PPP2R2C: variants seen among roughly 807,000 people sequenced by gnomAD.
The protein encoded by PPP2R2C is protein phosphatase 2, regulatory subunit B, gamma.
Under a neutral mutation model 45.3 loss-of-function variants are expected in PPP2R2C, and 10 were observed. That is an observed-to-expected ratio of 0.22 (90% confidence interval 0.14 to 0.37). PPP2R2C has a LOEUF of 0.37. Ranked by LOEUF, PPP2R2C falls within the 10% of genes least tolerant of loss-of-function variation. The pLI is 1.00. For missense variants in PPP2R2C, 308 were observed against 619.7 expected (o/e 0.50, Z 5.34); for synonymous variants, 257 against 245.4 (o/e 1.05, Z -0.44).
chr4:6,372,882 A>C lies in PPP2R2C; in HGVS notation c.448-182T>G, dbSNP rs184309498. On this transcript the variant is annotated intron_variant, in intron 4 of 8. Coordinates refer to ENST00000382599, the MANE Select transcript of PPP2R2C (RefSeq NM_020416.4). ...AATGCCCGCCGCCCACCAGCCCTGC[A>C]AGAGAGGCATGGATGCTTACCTGCT... Among the ~76,000 whole-genome samples, 445 of 152,320 alleles carry C rather than the reference A, an allele frequency of 2.9e-3. 1 individual carries two copies. Among genetic ancestry groups the C allele is most frequent in the African/African-American group, 0.01 (431 of 41,584 alleles).
At chr4:6,407,551 C>T (rs899588310) in intron 1 of PPP2R2C, among the ~76,000 whole-genome samples, 12 of 152,136 alleles carry the variant, frequency 7.9e-5, no homozygotes, top group African/African-American at 2.9e-4. Flanking sequence ...CCCGCCACCA[C>T]ACCCGGCTAA....
chr4:6,540,321 T>C (rs1724768034), intron 1 of PPP2R2C, among the ~76,000 whole-genome samples: 1 of 152,252 alleles, frequency 6.6e-6, no homozygotes, highest in African/African-American at 2.4e-5. Flanking sequence ...CACTATGTGG[T>C]CTTTTGTGTC....
At chr4:6,342,838 T>C (rs1281923169) in intron 6 of PPP2R2C, among the ~76,000 whole-genome samples, 2 of 152,176 alleles carry the variant, frequency 1.3e-5, no homozygotes, top group Non-Finnish European at 2.9e-5. Flanking sequence ...TCTGCCCTGA[T>C]AGAGGAGGGG....
intron 2 of PPP2R2C, among the ~76,000 whole-genome samples, chr4:6,507,238 G>A (rs966047054): frequency 1.3e-5 from 2 of 152,334 alleles, no homozygotes; most frequent in African/African-American, 4.8e-5. Context: ...GCTCAAGGAT[G>A]AGGCCTGAGC....
chr4:6,323,123 G>A lies in PPP2R2C; in HGVS notation c.*179C>T. On this transcript the variant is annotated 3_prime_UTR_variant, in exon 9 of 9. Transcript: ENST00000382599. ...GACAATTACTGCCAAACACAATTCT[G>A]GCCTAGGAAAGCTGGGGCAGGGAGG... 2 of 608,928 alleles carry A rather than the reference G, an allele frequency of 3.3e-6. No homozygotes were observed. Among genetic ancestry groups the A allele is most frequent in the Non-Finnish European group, 5.3e-6 (2 of 379,082 alleles). 37.7% of individuals were successfully genotyped at this position (608,928 alleles called of 1,614,324 possible).
chr4:6,415,254 C>A (rs1379038437), intron 1 of PPP2R2C, among the ~76,000 whole-genome samples: 1 of 152,206 alleles, frequency 6.6e-6, no homozygotes, highest in African/African-American at 2.4e-5. Context: ...GGGCTCAGAG[C>A]CCCTCTGAAA....
At chr4:6,537,823 T>G (rs886551575) in intron 1 of PPP2R2C, among the ~76,000 whole-genome samples, 2 of 152,196 alleles carry the variant, frequency 1.3e-5, no homozygotes, top group African/African-American at 4.8e-5. Flanking sequence ...GTGCTGGGAT[T>G]ACAGGTGTGA....
chr4:6,369,253 T>C, intron 5 of PPP2R2C, among the ~76,000 whole-genome samples: 1 of 152,224 alleles, frequency 6.6e-6, no homozygotes, highest in South Asian at 2.1e-4. Flanking sequence ...AGCAGGCACA[T>C]GGGGCTGGTG....
intron 2 of PPP2R2C, among the ~76,000 whole-genome samples, chr4:6,507,122 C>A (rs1723263357): frequency 6.6e-6 from 1 of 152,168 alleles, no homozygotes; most frequent in Non-Finnish European, 1.5e-5. Flanking sequence ...AGGAAGAGGG[C>A]TGAAGAGAAA....
chr4:6,419,033 G>A (rs1337903321), intron 1 of PPP2R2C, among the ~76,000 whole-genome samples: 2 of 152,224 alleles, frequency 1.3e-5, no homozygotes, highest in Non-Finnish European at 2.9e-5. Context: ...CGCATGCGGT[G>A]AGGGTTCCCC....
At chr4:6,333,517 G>T in intron 7 of PPP2R2C, 45 bp downstream of exon 7, 2 of 1,597,440 alleles carry the variant, frequency 1.3e-6, no homozygotes, top group Middle Eastern at 1.7e-4. Context: ...TCTCAGCATA[G>T]GGAAAAAAGA....
chr4:6,430,607 C>T (rs1239725673), intron 1 of PPP2R2C, among the ~76,000 whole-genome samples: 1 of 152,138 alleles, frequency 6.6e-6, no homozygotes, highest in African/African-American at 2.4e-5. Flanking sequence ...ACTTTGTAAT[C>T]CTATCCACTC....
chr4:6,379,495 C>T (rs762865466), intron 2 of PPP2R2C, among the ~76,000 whole-genome samples: 2 of 152,246 alleles, frequency 1.3e-5, no homozygotes, highest in Non-Finnish European at 2.9e-5. Flanking sequence ...ATTCACTTCA[C>T]TTCCCATGAG....
intron 1 of PPP2R2C, among the ~76,000 whole-genome samples, chr4:6,539,811 C>T (rs1301960086): frequency 6.6e-6 from 1 of 152,160 alleles, no homozygotes; most frequent in African/African-American, 2.4e-5. Context: ...ACAGGAGTCT[C>T]CCCATACGAC....
rs1325345357 is a variant in PPP2R2C, at chr4:6,332,965, C to T, written c.960+597G>A. On this transcript the variant is annotated intron_variant, in intron 7 of 8. Coordinates refer to ENST00000382599, the MANE Select transcript of PPP2R2C (RefSeq NM_020416.4). This position sits in a 1 kb window ranked among gnomAD's most constrained non-coding sequence, Gnocchi z 4.9. ...CCATCCCACATTTCTTTCAAGTCCA[C>T]ATTTTATTTTAACATCACATGAGTT... is the stretch of plus-strand genomic sequence containing the variant. Among the ~76,000 whole-genome samples the T allele has an allele frequency of 6.6e-6, 1 of 152,208 alleles. No homozygotes were observed. Among genetic ancestry groups the T allele is most frequent in the Non-Finnish European group, 1.5e-5 (1 of 68,050 alleles).
rs532205614 is a variant in PPP2R2C at position 6,321,850 on chromosome 4, A to C, written c.*1452T>G. 1 of 152,306 alleles carries C rather than the reference A, an allele frequency of 6.6e-6. No homozygotes were observed. Among genetic ancestry groups the C allele is most frequent in the African/African-American group, 2.4e-5 (1 of 41,562 alleles). 9.4% of individuals were successfully genotyped at this position (152,306 alleles called of 1,614,324 possible). A position where few individuals can be genotyped will look rare whatever the true frequency, so the allele number is the denominator to read the frequency against. Reference sequence around the variant, plus strand: ...CACCTTCTCTGTGGCCCTCATTGTCAGAGGGGCAGAGTTCCCGAGGGATGT... The same window carrying C: ...CACCTTCTCTGTGGCCCTCATTGTCCGAGGGGCAGAGTTCCCGAGGGATGT... On this transcript the variant is annotated 3_prime_UTR_variant, in exon 9 of 9. Coordinates refer to ENST00000382599, the MANE Select transcript of PPP2R2C (RefSeq NM_020416.4).
intron 6 of PPP2R2C, among the ~76,000 whole-genome samples, chr4:6,347,530 G>T (rs1712101096): frequency 6.6e-6 from 1 of 152,140 alleles, no homozygotes; most frequent in Admixed American, 6.5e-5. Flanking sequence ...AGGAGGCCGG[G>T]AAGCTTTCCT....
At chr4:6,509,848 C>G (rs939542574) in intron 2 of PPP2R2C, among the ~76,000 whole-genome samples, 1 of 152,162 alleles carries the variant, frequency 6.6e-6, no homozygotes, top group East Asian at 1.9e-4. Flanking sequence ...GTCACAAGGC[C>G]GACTCCACGC....
At chr4:6,442,627 C>T (rs1560550391) in intron 1 of PPP2R2C, among the ~76,000 whole-genome samples, 2 of 152,186 alleles carry the variant, frequency 1.3e-5, no homozygotes, top group African/African-American at 2.4e-5. Flanking sequence ...GCACTTCCTG[C>T]GTACCAGGCA....
Sources: allele counts gnomAD v4.1 joint callset (sites outside exome capture counted in the v4.1 genomes callset), GRCh38; gene constraint gnomAD v4.1.1; non-coding constraint Gnocchi (gnomAD v3.1); transcripts MANE v1.5; gene names NCBI Gene and HGNC (gene_info 2026-07-23, HGNC 2026-07-21).